TGM3: variants seen among roughly 807,000 people sequenced by gnomAD.
TGM3 encodes transglutaminase 3, also known as protein-glutamine gamma-glutamyltransferase E.
A neutral mutation model predicts 73.8 loss-of-function variants in TGM3; 52 were observed. That is an observed-to-expected ratio of 0.70 (90% CI 0.56 to 0.89). The LOEUF (loss-of-function observed/expected upper bound fraction) is 0.89. TGM3 is among the 40% of genes least tolerant of loss of function. The probability of loss-of-function intolerance (pLI) is 0.00; values close to 1 mark genes in which losing one functional copy is unlikely to be tolerated. For missense variants in TGM3, 928 were observed against 909.9 expected, an observed-to-expected ratio of 1.02 and a Z score of -0.26; for synonymous variants, 372 against 354.9, an observed-to-expected ratio of 1.05 and a Z score of -0.54.
intron 11 of TGM3, among the ~76,000 whole-genome samples, chr20:2,338,334 A>G (rs972282816): frequency 2.0e-5 from 3 of 152,106 alleles, no homozygotes; most frequent in Admixed American, 6.5e-5. Flanking sequence ...AATAGGAGAG[A>G]GTGGTAAGCG....
rs1032086773 is a variant in TGM3 at position 2,339,315 on chromosome 20, A to C, written c.1801-539A>C. ...TTTAAGGGAAGAAACAGGACCCATA[A>C]GCAGGAAAGCCAAGGAAAGTAATAT... is the stretch of plus-strand genomic sequence containing the variant. On this transcript the variant is annotated intron_variant, in intron 11 of 12. Coordinates refer to ENST00000381458, the MANE Select transcript of TGM3 (RefSeq NM_003245.4). 3.9e-5 allele frequency among the ~76,000 whole-genome samples: 6 copies of C among 152,350 alleles called. No individual in the cohort carries two copies. In the South Asian group the frequency reaches 6.2e-4, roughly 16 times the overall value.
In TGM3 at chr20:2,339,673, A is replaced by G. The variant is rs1268995466; in HGVS notation, c.1801-181A>G. ...ATAATGTCCTGGGACCATCCTGTGT[A>G]TTGGGGGGCAGGGGGCGTCAGACAC... On this transcript the variant is annotated intron_variant, in intron 11 of 12. Transcript: ENST00000381458. 3.3e-5 allele frequency among the ~76,000 whole-genome samples: 5 copies of G among 152,132 alleles called. No homozygotes were observed. In the South Asian group the frequency reaches 6.2e-4, roughly 19 times the overall value.
In TGM3 at chr20:2,332,366, C is replaced by G. The variant is rs1358723951; in HGVS notation, c.1642+56C>G. The G allele has an allele frequency of 6.7e-7, 1 of 1,489,632 alleles. No homozygotes were observed. The highest frequency in any genetic ancestry group is 8.9e-7 in the Non-Finnish European group (1 of 1,118,122). 92.3% of individuals were successfully genotyped at this position (1,489,632 alleles called of 1,614,324 possible). A position where few individuals can be genotyped will look rare whatever the true frequency, so the allele number is the denominator to read the frequency against. ...CGAATCCGAGGTAGCCAATGGCCTT[C>G]TGGGGCTGCAGGGTGTCTGCTGGGC... On this transcript the variant is annotated intron_variant, in intron 10 of 12. Coordinates refer to ENST00000381458, the MANE Select transcript of TGM3 (RefSeq NM_003245.4). This position sits in a 1 kb window ranked among gnomAD's most constrained non-coding sequence, Gnocchi z 4.4.
chr20:2,313,649 ACACT>A (rs1243061729), intron 5 of TGM3, among the ~76,000 whole-genome samples: 1 of 105,758 alleles, frequency 9.5e-6, no homozygotes, highest in Non-Finnish European at 2.4e-5. Context: ...ACAATCACAC[ACACT>A]CTCTCTCTCT....
intron 7 of TGM3, among the ~76,000 whole-genome samples, chr20:2,319,985 G>T (rs1485594302): frequency 6.6e-6 from 1 of 152,220 alleles, no homozygotes; most frequent in Non-Finnish European, 1.5e-5. Context: ...ATTCTCGGGA[G>T]CTTCAGCCCA....
intron 4 of TGM3, 105 bp from the exon 5 acceptor site, chr20:2,312,793 C>A: frequency 6.6e-7 from 1 of 1,506,544 alleles, no homozygotes; most frequent in Non-Finnish European, 9.0e-7. Flanking sequence ...GCCACAGAGT[C>A]AAAGGATCTG....
rs759556192 is a variant in TGM3 at position 2,317,343 on chromosome 20, C to T, written c.848-7C>T. ...ACCTGAGTCCTCACGCCCACCCTGA[C>T]TTGCAGCGCTGCGGTCTTTGGGGAT... On this transcript the variant is annotated splice_polypyrimidine_tract_variant and splice_region_variant and intron_variant, in intron 6 of 12. Transcript: ENST00000381458. 3.7e-6 allele frequency: 6 copies of T among 1,614,188 alleles called. No individual in the cohort carries two copies. The highest frequency in any genetic ancestry group is 5.1e-6 in the Non-Finnish European group (6 of 1,180,020).
rs201108030 is a variant in TGM3, at chr20:2,328,073, A to G, written c.1088-47A>G. 89 of 1,611,234 alleles carry G rather than the reference A, an allele frequency of 5.5e-5. No individual in the cohort carries two copies. In the East Asian group the frequency reaches 1.9e-3, roughly 35 times the overall value. On this transcript the variant is annotated intron_variant, in intron 8 of 12. Transcript: ENST00000381458. This position sits in a 1 kb window ranked among gnomAD's most constrained non-coding sequence, Gnocchi z 5.2. ...GGCCCTGGGGAATCGGGCACTGGGT[A>G]GGTTGTGGCCTTGGCATATATCCAG...
At chr20:2,315,706 C>T (rs375832975) in intron 5 of TGM3, among the ~76,000 whole-genome samples, 1 of 152,228 alleles carries the variant, frequency 6.6e-6, no homozygotes, top group Non-Finnish European at 1.5e-5. Context: ...TGACCCTTGA[C>T]TACAAAAGAC....
At position 2,334,086 on chromosome 20, in the gene TGM3, C is replaced by G. The variant is rs899271058; in HGVS notation, c.1643-1030C>G. ...GAGGGAAGGGAGCACCTAAGCCCAT[C>G]AGGGTAGGGAAAGGGCCCCGCGGCC... On this transcript the variant is annotated intron_variant, in intron 10 of 12. Transcript: ENST00000381458. This position sits in a 1 kb window ranked among gnomAD's most constrained non-coding sequence, Gnocchi z 4.0. Among the ~76,000 whole-genome samples, 2 of 152,174 alleles carry G rather than the reference C, an allele frequency of 1.3e-5. No homozygotes were observed. Among genetic ancestry groups the G allele is most frequent in the Admixed American group, 6.5e-5 (1 of 15,284 alleles).
intron 12 of TGM3, 106 bp from the exon 13 acceptor site, chr20:2,340,328 G>A (rs1490893036): frequency 6.7e-7 from 1 of 1,495,946 alleles, no homozygotes; most frequent in Non-Finnish European, 9.1e-7. Context: ...AAGAAGCAGT[G>A]GCCTTGCCCA....
chr20:2,331,026 A>AAAG (rs1311152126), intron 9 of TGM3, among the ~76,000 whole-genome samples: 19 of 148,342 alleles, frequency 1.3e-4, no homozygotes, highest in African/African-American at 4.5e-4. Flanking sequence ...AAAAAAAAAA[A>AAAG]AGAGAGAGAA....
chr20:2,317,537 C>T, intron 7 of TGM3, 52 bp downstream of exon 7: 1 of 1,606,684 alleles, frequency 6.2e-7, no homozygotes, highest in Non-Finnish European at 8.5e-7. Context: ...TGAGTGGCTT[C>T]TCGCTCTCAC....
chr20:2,320,040 T>C (rs1400007429), intron 7 of TGM3, among the ~76,000 whole-genome samples: 1 of 152,254 alleles, frequency 6.6e-6, no homozygotes, highest in Non-Finnish European at 1.5e-5. Flanking sequence ...GGAGCCCTGC[T>C]GTTCCTTCCT....
At chr20:2,325,331 AG>A (rs947954770) in intron 7 of TGM3, among the ~76,000 whole-genome samples, 31 of 152,262 alleles carry the variant, frequency 2.0e-4, no homozygotes, top group African/African-American at 6.5e-4. Context: ...GAGGACTGGC[AG>A]GTGTCATTCT....
chr20:2,331,207 A>G (rs1019535971), intron 9 of TGM3, among the ~76,000 whole-genome samples: 4 of 151,944 alleles, frequency 2.6e-5, no homozygotes, highest in Non-Finnish European at 5.9e-5. Flanking sequence ...CTTCAGGTCA[A>G]GCCTTTTGTG....
intron 7 of TGM3, among the ~76,000 whole-genome samples, chr20:2,318,366 T>C (rs2084246536): frequency 6.6e-6 from 1 of 152,152 alleles, no homozygotes; most frequent in Admixed American, 6.5e-5. Flanking sequence ...ACCATAAGTA[T>C]GCCATGTGCA....
chr20:2,325,756 C>A, intron 7 of TGM3, 93 bp from the exon 8 acceptor site: 1 of 880,210 alleles, frequency 1.1e-6, no homozygotes, highest in Non-Finnish European at 1.9e-6. Flanking sequence ...TGCATGTTGT[C>A]ATGCTGCACT....
chr20:2,337,169 C>A (rs960502930), intron 11 of TGM3, among the ~76,000 whole-genome samples: 1 of 152,156 alleles, frequency 6.6e-6, no homozygotes, highest in Non-Finnish European at 1.5e-5. Context: ...GCCCCTTGCT[C>A]GGGGCATGAC....
Sources: allele counts gnomAD v4.1 joint callset (sites outside exome capture counted in the v4.1 genomes callset), GRCh38; gene constraint gnomAD v4.1.1; non-coding constraint Gnocchi (gnomAD v3.1); transcripts MANE v1.5; gene names NCBI Gene and HGNC (gene_info 2026-07-23, HGNC 2026-07-21).